Variants in ACOT11 observed in about 807,000 individuals in gnomAD.
ACOT11 encodes acyl-coenzyme A thioesterase 11.
In ACOT11, 69 loss-of-function variants were observed where a neutral mutation model predicts 77.5. The observed-to-expected ratio is 0.89, with a 90% confidence interval of 0.73 to 1.09. ACOT11 has a LOEUF of 1.09. Ranked by LOEUF, ACOT11 falls within the 50% of genes least tolerant of loss-of-function variation. ACOT11 has a pLI of 0.00. For missense variants in ACOT11, 766 were observed against 813.7 expected (o/e 0.94, Z 0.71); for synonymous variants, 279 against 313.0 (o/e 0.89, Z 1.15).
chr1:54,607,848 G>T lies in ACOT11; in HGVS notation c.1503-94G>T. 6.6e-7 allele frequency: 1 copy of T among 1,522,080 alleles called. No individual in the cohort carries two copies. The allele number at this position is 1,522,080 out of a possible 1,614,324, so 94.3% of individuals were successfully genotyped here. A position where few individuals can be genotyped will look rare whatever the true frequency, so the allele number is the denominator to read the frequency against. On this transcript the variant is annotated intron_variant, in intron 14 of 15. Transcript: ENST00000343744. The surrounding 1 kb of genome is among the most constrained non-coding windows in gnomAD (Gnocchi z 4.5). ...TCCCCCTGGTGAGGAATCTGTGCTA[G>T]AGGGGGCAGGGTCTCGGCCTTGGTT...
intron 6 of ACOT11, among the ~76,000 whole-genome samples, chr1:54,596,157 CT>C (rs978394657): frequency 6.6e-5 from 10 of 152,050 alleles, no homozygotes; most frequent in African/African-American, 2.4e-4. Context: ...TGGGTACTGT[CT>C]CTTGACCTGC....
At chr1:54,564,103 G>A (rs1005916755) in intron 1 of ACOT11, among the ~76,000 whole-genome samples, 7 of 151,408 alleles carry the variant, frequency 4.6e-5, no homozygotes, top group East Asian at 3.9e-4. Flanking sequence ...GTGGTGGTGC[G>A]TGCCTGTAGT....
At position 54,617,709 on chromosome 1, in the gene ACOT11, ATTTTTTTTTTTTTTTTTT is replaced by A. The variant is rs56229276; in HGVS notation, c.1629+9659_1629+9676del. Among the ~76,000 whole-genome samples, 311 of 55,800 alleles carry A rather than the reference ATTTTTTTTTTTTTTTTTT, an allele frequency of 5.6e-3. 4 individuals carry two copies. The highest frequency in any genetic ancestry group is 0.021 in the African/African-American group (285 of 13,778). 36.6% of individuals were successfully genotyped at this position (55,800 alleles called of 152,430 possible). The stretch of plus-strand genomic sequence containing the variant: ...CACTAGGTCTGCAGCAGGGCCTGAG[ATTTTTTTTTTTTTTTTTT>A]TTTTTTTTTTTTTTTTTATGAAGTC... On this transcript the variant is annotated intron_variant, in intron 15 of 16. Coordinates refer to the ACOT11 transcript ENST00000371316.
chr1:54,619,836 C>A (rs1245442817), intron 15 of ACOT11: 1 of 1,611,380 alleles, frequency 6.2e-7, no homozygotes, highest in Admixed American at 1.7e-5. Flanking sequence ...TTGCCCTGGC[C>A]TGCCTCAGTC....
chr1:54,612,510 C>T (rs745450136), downstream of ACOT11: 4 of 1,613,974 alleles, frequency 2.5e-6, no homozygotes, highest in Non-Finnish European at 2.5e-6. Context: ...CAGCAGCCAG[C>T]TGAAGTGGGG....
In ACOT11 at chr1:54,629,403, C is replaced by T. The variant is rs189422857; in HGVS notation, c.1630-1331C>T. 2.2e-3 allele frequency among the ~76,000 whole-genome samples: 294 copies of T among 131,338 alleles called. 67 individuals carry two copies. The highest frequency in any genetic ancestry group is 4.9e-3 in the Admixed American group (62 of 12,666). The allele number at this position is 131,338 out of a possible 152,430, so 86.2% of individuals were successfully genotyped here. A position where few individuals can be genotyped will look rare whatever the true frequency, so the allele number is the denominator to read the frequency against. On this transcript the variant is annotated intron_variant, in intron 15 of 16. Transcript: ENST00000371316. ...CCGGGTTCAAGTGATTCTCCTGCCT[C>T]GGCCTCCTGAGTAGCTGGGACTACA...
intron 1 of ACOT11, among the ~76,000 whole-genome samples, chr1:54,570,405 C>T (rs1344135131): frequency 6.6e-6 from 1 of 152,246 alleles, no homozygotes; most frequent in Non-Finnish European, 1.5e-5. Flanking sequence ...AAGGCTCCAT[C>T]TGACCCCCAC....
chr1:54,611,715 C>T (rs560115344), downstream of ACOT11: 50 of 1,614,096 alleles, frequency 3.1e-5, 1 homozygote, highest in South Asian at 2.9e-4. Context: ...ACATGGGGTC[C>T]GAGGCAGCCT....
rs1430309530 is a variant in ACOT11 at position 54,584,470 on chromosome 1, C to T, written c.34-185C>T. ...GGAAACTGGGCAGAAGCAGCAATCA[C>T]AGATATCCTGGGGTCCGAGACCACG... On this transcript the variant is annotated intron_variant, in intron 1 of 15. Coordinates refer to ENST00000343744, the MANE Select transcript of ACOT11 (RefSeq NM_147161.4). The surrounding 1 kb of genome is among the most constrained non-coding windows in gnomAD (Gnocchi z 6.3). Among the ~76,000 whole-genome samples the T allele has an allele frequency of 2.6e-5, 4 of 152,196 alleles. No homozygotes were observed. The highest frequency in any genetic ancestry group is 9.7e-5 in the African/African-American group (4 of 41,442).
At chr1:54,634,328 A>C (rs181285949) in intron 16 of ACOT11, among the ~76,000 whole-genome samples, 58 of 152,340 alleles carry the variant, frequency 3.8e-4, no homozygotes, top group African/African-American at 1.2e-3. Flanking sequence ...TGGGTCTAGT[A>C]ATGGTAAAGC....
chr1:54,603,880 C>T lies in ACOT11; in HGVS notation c.1095C>T (p.Ile365=), dbSNP rs202064424. 18 of 1,614,094 alleles carry T rather than the reference C, an allele frequency of 1.1e-5. No individual in the cohort carries two copies. The highest frequency in any genetic ancestry group is 4.5e-5 in the East Asian group (2 of 44,880). Residue 365 remains isoleucine, a synonymous_variant, in exon 11 of 16, where the codon ATC becomes ATT. Coordinates refer to ENST00000343744, the MANE Select transcript of ACOT11 (RefSeq NM_147161.4). The stretch of plus-strand genomic sequence containing the variant: ...CTTCTCTCCTTCCCAGGAAGTACAT[C>T]GTGTCCTGTAAGCAGACAGAGGTGC... ...RKKIRLDRKY[I]VSCKQTEVPL... is the part of the protein sequence containing the mutation.
intron 8 of ACOT11, chr1:54,599,635 G>A: frequency 5.7e-6 from 2 of 351,418 alleles, no homozygotes; most frequent in South Asian, 8.8e-5. Context: ...CTGGGTCAGG[G>A]ACCCCTCCTC....
chr1:54,557,790 T>C (rs1247566030), intron 1 of ACOT11, among the ~76,000 whole-genome samples: 1 of 152,200 alleles, frequency 6.6e-6, no homozygotes, highest in East Asian at 1.9e-4. Context: ...CTTTAGGGTT[T>C]TCTATATATA....
intron 1 of ACOT11, among the ~76,000 whole-genome samples, chr1:54,569,471 C>T (rs950456248): frequency 6.6e-6 from 1 of 152,170 alleles, no homozygotes; most frequent in East Asian, 1.9e-4. Flanking sequence ...GCCTGGTTGT[C>T]ATCCTGAGCC....
rs17110842 is a variant in ACOT11, at chr1:54,623,398, C to T, written c.1630-7336C>T. The T allele has an allele frequency of 2.3e-3, 3,703 of 1,611,406 alleles. 64 individuals carry two copies. In the African/African-American group the frequency reaches 0.042, roughly 18 times the overall value. Reference sequence around the variant, plus strand: ...GATAACTGCTCCCTGCAGACCATGGCGACGCTCTCTGGGGAATGCCCCCAA... The same window carrying T: ...GATAACTGCTCCCTGCAGACCATGGTGACGCTCTCTGGGGAATGCCCCCAA... On this transcript the variant is annotated intron_variant, in intron 15 of 16. Transcript: ENST00000371316.
chr1:54,549,948 A>G (rs964199019), intron 1 of ACOT11, among the ~76,000 whole-genome samples: 4 of 152,230 alleles, frequency 2.6e-5, no homozygotes, highest in Non-Finnish European at 4.4e-5. Flanking sequence ...GGGAAGAGGC[A>G]TATCGTTATC....
chr1:54,615,893 T>G, intron 15 of ACOT11: 13 of 956,452 alleles, frequency 1.4e-5, no homozygotes, highest in Non-Finnish European at 2.1e-5. Context: ...AACATTGTGA[T>G]GAGAAAGCCA....
At chr1:54,620,278 T>C (rs1215574709) in intron 15 of ACOT11, among the ~76,000 whole-genome samples, 1 of 152,128 alleles carries the variant, frequency 6.6e-6, no homozygotes, top group Admixed American at 6.5e-5. Context: ...GAAGGATGGG[T>C]GTAAATTTCA....
chr1:54,563,342 G>A (rs556943979), intron 1 of ACOT11, among the ~76,000 whole-genome samples: 2 of 152,306 alleles, frequency 1.3e-5, no homozygotes, highest in Admixed American at 1.3e-4. Context: ...ATTGAGAAAA[G>A]CGAAATCTCA....
Sources: allele counts gnomAD v4.1 joint callset (sites outside exome capture counted in the v4.1 genomes callset), GRCh38; gene constraint gnomAD v4.1.1; non-coding constraint Gnocchi (gnomAD v3.1); transcripts MANE v1.5; gene names NCBI Gene and HGNC (gene_info 2026-07-23, HGNC 2026-07-21).